The following ESR1 variants were observed in gnomAD, a reference collection of about 807,000 sequenced individuals.
The protein encoded by ESR1 is estrogen receptor 1.
In ESR1, 12 loss-of-function variants were observed where a neutral mutation model predicts 52.7. That is an observed-to-expected ratio of 0.23 (90% CI 0.15 to 0.37). ESR1 has a LOEUF of 0.37. ESR1 is among the 10% of genes least tolerant of loss of function. The pLI is 1.00. For synonymous variants in ESR1, 305 were observed against 316.8 expected (o/e 0.96, Z 0.39); for missense variants, 584 against 779.7 (o/e 0.75, Z 2.99).
chr6:151,839,669 A>G (rs1783960991), intron 1 of ESR1, among the ~76,000 whole-genome samples: 1 of 152,172 alleles, frequency 6.6e-6, no homozygotes, highest in Non-Finnish European at 1.5e-5. Flanking sequence ...CACATCATGG[A>G]CCTTCAGGAC....
chr6:151,683,867 T>A (rs920573390), intron 1 of ESR1, among the ~76,000 whole-genome samples: 1 of 131,460 alleles, frequency 7.6e-6, no homozygotes. Flanking sequence ...TCTGGCTATT[T>A]TTTTTTTTTT....
chr6:152,052,978 C>T (rs2046807135), intron 5 of ESR1, among the ~76,000 whole-genome samples: 1 of 152,146 alleles, frequency 6.6e-6, no homozygotes, highest in Admixed American at 6.5e-5. Flanking sequence ...TTGACTGATG[C>T]TTCTGAGGTC....
chr6:151,816,104 T>C (rs1779591931), intron 1 of ESR1, among the ~76,000 whole-genome samples: 1 of 152,178 alleles, frequency 6.6e-6, no homozygotes, highest in Non-Finnish European at 1.5e-5. Flanking sequence ...AAATACAGTG[T>C]TTTTGAACAG....
chr6:151,780,379 A>G (rs1283077083), intron 2 of ESR1, among the ~76,000 whole-genome samples: 1 of 152,098 alleles, frequency 6.6e-6, no homozygotes, highest in Non-Finnish European at 1.5e-5. Context: ...AGAAAAAGAA[A>G]AAAAACCCTG....
At chr6:152,052,002 T>C (rs2046720660) in intron 5 of ESR1, among the ~76,000 whole-genome samples, 2 of 152,178 alleles carry the variant, frequency 1.3e-5, no homozygotes, top group Admixed American at 1.3e-4. Flanking sequence ...AGGTAATTTA[T>C]AAAGAAAATA....
At chr6:151,687,169 T>C (rs1409081665), upstream of ESR1, among the ~76,000 whole-genome samples, 2 of 152,214 alleles carry the variant, frequency 1.3e-5, no homozygotes, top group African/African-American at 4.8e-5. Flanking sequence ...GTCTATAGTT[T>C]GGCTGATCTT....
At chr6:152,004,363 C>A (rs997736004) in intron 4 of ESR1, among the ~76,000 whole-genome samples, 4 of 151,968 alleles carry the variant, frequency 2.6e-5, no homozygotes, top group African/African-American at 9.7e-5. Flanking sequence ...AACAGTTGGG[C>A]AGACTTGAAA....
chr6:151,924,402 AT>A (rs759091198), intron 3 of ESR1, among the ~76,000 whole-genome samples: 61 of 151,014 alleles, frequency 4.0e-4, no homozygotes, highest in African/African-American at 1.3e-3. Context: ...TGCCAACTGT[AT>A]TTTTTTTAAT....
intron 1 of ESR1, among the ~76,000 whole-genome samples, chr6:151,673,625 G>C (rs1778154122): frequency 6.6e-6 from 1 of 152,160 alleles, no homozygotes; most frequent in Admixed American, 6.5e-5. Flanking sequence ...GCTCATGCCT[G>C]TAATCCCAGC....
chr6:152,012,224 A>G (rs2042838867), intron 5 of ESR1, among the ~76,000 whole-genome samples: 1 of 152,034 alleles, frequency 6.6e-6, no homozygotes. Flanking sequence ...CCCATCCGTA[A>G]AATGAAGAAA....
chr6:151,839,351 G>A (rs1363362650), intron 1 of ESR1, among the ~76,000 whole-genome samples: 1 of 152,072 alleles, frequency 6.6e-6, no homozygotes, highest in Non-Finnish European at 1.5e-5. Flanking sequence ...AGTAAGTGTT[G>A]GAGAGGATAT....
intron 4 of ESR1, among the ~76,000 whole-genome samples, chr6:151,987,108 C>T (rs971619815): frequency 2.6e-5 from 4 of 151,870 alleles, no homozygotes; most frequent in Admixed American, 6.5e-5. Context: ...TCTCATCCTG[C>T]AGCCTGGGTC....
chr6:152,084,704 GA>G (rs34421368), intron 6 of ESR1, among the ~76,000 whole-genome samples: 20,059 of 122,672 alleles, frequency 0.16, 1,395 homozygotes, highest in East Asian at 0.36. Flanking sequence ...GCTTTTAATT[GA>G]AAAAAAAAAA....
chr6:151,716,269 C>T (rs1781026235), intron 2 of ESR1, among the ~76,000 whole-genome samples: 1 of 152,164 alleles, frequency 6.6e-6, no homozygotes, highest in Non-Finnish European at 1.5e-5. Context: ...GTCTGTCAAC[C>T]CCTGCTGGGA....
At position 151,736,375 on chromosome 6, in the gene ESR1, G is replaced by GTTTTTTTTTTTTTTTTT. The variant is rs10624912; in HGVS notation, c.-71+34385_-71+34386insTTTTTTTTTTTTTTTTT. ...AAATACTTACTGTATTCCAGGTAGT[G>GTTTTTTTTTTTTTTTTT]TTTTTTTTTTTTTTTGAGATGGAGT... On this transcript the variant is annotated intron_variant, in intron 2 of 2. Transcript: ENST00000404742. 1.6e-3 allele frequency among the ~76,000 whole-genome samples: 181 copies of GTTTTTTTTTTTTTTTTT among 112,690 alleles called. 33 individuals are homozygous for GTTTTTTTTTTTTTTTTT. Among genetic ancestry groups the GTTTTTTTTTTTTTTTTT allele is most frequent in the African/African-American group, 6.5e-3 (171 of 26,146 alleles). 73.9% of individuals were successfully genotyped at this position (112,690 alleles called of 152,430 possible). A position where few individuals can be genotyped will look rare whatever the true frequency, so the allele number is the denominator to read the frequency against.
At chr6:151,730,475 T>A (rs1396369342) in intron 2 of ESR1, among the ~76,000 whole-genome samples, 1 of 152,162 alleles carries the variant, frequency 6.6e-6, no homozygotes, top group Admixed American at 6.5e-5. Context: ...GGTCTTGAGT[T>A]CCAGCTTTTC....
chr6:151,822,633 C>T (rs553483639), intron 1 of ESR1, among the ~76,000 whole-genome samples: 3 of 152,268 alleles, frequency 2.0e-5, no homozygotes, highest in Non-Finnish European at 4.4e-5. Flanking sequence ...AGGAGAGCTC[C>T]AGCAGGTGGA....
At chr6:151,684,948 G>A (rs1220748965) in intron 1 of ESR1, among the ~76,000 whole-genome samples, 1 of 152,156 alleles carries the variant, frequency 6.6e-6, no homozygotes. Flanking sequence ...CAGGAATTAA[G>A]GCTTCACTTT....
chr6:152,026,655 T>A (rs2044169636), intron 5 of ESR1, among the ~76,000 whole-genome samples: 1 of 151,836 alleles, frequency 6.6e-6, no homozygotes, highest in South Asian at 2.1e-4. Flanking sequence ...ATTTATTGAT[T>A]TATTGAATTT....
Sources: allele counts gnomAD v4.1 joint callset (sites outside exome capture counted in the v4.1 genomes callset), GRCh38; gene constraint gnomAD v4.1.1; transcripts MANE v1.5; gene names NCBI Gene and HGNC (gene_info 2026-07-23, HGNC 2026-07-21).